Variants in ZNF599 observed in about 807,000 individuals in gnomAD.
The protein encoded by ZNF599 is zinc finger protein 599.
ZNF599 carries 10 observed loss-of-function variants against 11.7 expected under a neutral mutation model. The ratio of observed to expected loss-of-function variants is 0.86; its 90% confidence interval spans 0.53 to 1.45. The LOEUF (loss-of-function observed/expected upper bound fraction) is 1.45, where lower values mean the gene tolerates loss of function less well. Ranked by LOEUF, ZNF599 falls within the 40% of genes most tolerant of loss-of-function variation. ZNF599 has a pLI of 0.00. For synonymous variants in ZNF599, 232 were observed against 253.2 expected (o/e 0.92, Z 0.79); for missense variants, 688 against 713.6 (o/e 0.96, Z 0.41).
At chr19:34,792,174 G>A in the ZNF599 span, among the ~76,000 whole-genome samples, 1 of 152,152 alleles carries the variant, frequency 6.6e-6, no homozygotes, top group African/African-American at 2.4e-5. Context: ...CACTGTTCAT[G>A]GGCAAGCCCT....
chr19:34,784,815 G>T, the ZNF599 span, among the ~76,000 whole-genome samples: 3 of 150,900 alleles, frequency 2.0e-5, no homozygotes, highest in African/African-American at 7.3e-5. Flanking sequence ...AATCCTCATG[G>T]CCAGTGATTT....
chr19:34,760,591 C>A, intron 3 of ZNF599, 32 bp from the exon 4 acceptor site: 1 of 1,547,406 alleles, frequency 6.5e-7, no homozygotes. Flanking sequence ...AAAAACTGAA[C>A]ATTAGTGATG....
At position 34,759,409 on chromosome 19, in the gene ZNF599, A is replaced by T. The variant is rs2069093460; in HGVS notation, c.1392T>A (p.Ser464=). The T allele has an allele frequency of 1.9e-6, 3 of 1,614,028 alleles. No homozygotes were observed. The highest frequency in any genetic ancestry group is 2.5e-6 in the Non-Finnish European group (3 of 1,179,952). ...GGGTCCTATTATGTCGAATAAAAAC[A>T]GAGTGGTGTGTAAAAGCCTTTCCAC... is the stretch of plus-strand genomic sequence containing the variant. ...SECGKAFTHH[S]VFIRHNRTHS... Residue 464 remains serine, a synonymous_variant, in exon 4 of 4, where the codon TCT becomes TCA. Transcript: ENST00000329285.
the ZNF599 span, among the ~76,000 whole-genome samples, chr19:34,789,110 C>A: frequency 3.3e-5 from 5 of 152,160 alleles, no homozygotes; most frequent in Non-Finnish European, 7.4e-5. Context: ...CCCTAGTGAC[C>A]ATTCTACCCT....
At chr19:34,784,934 A>T in the ZNF599 span, among the ~76,000 whole-genome samples, 1 of 146,548 alleles carries the variant, frequency 6.8e-6, no homozygotes, top group African/African-American at 2.6e-5. Flanking sequence ...ACACAACTCC[A>T]TAGCCATCCA....
At chr19:34,799,867 T>C in the ZNF599 span, among the ~76,000 whole-genome samples, 2 of 152,200 alleles carry the variant, frequency 1.3e-5, no homozygotes, top group African/African-American at 4.8e-5. Context: ...CACAATTCAG[T>C]TGGTAACAAT....
chr19:34,788,544 A>G, the ZNF599 span: 1 of 152,228 alleles, frequency 6.6e-6, no homozygotes, highest in Admixed American at 6.5e-5. Flanking sequence ...CAAAAATAAG[A>G]AATTTAATGG....
chr19:34,786,204 C>T, the ZNF599 span, among the ~76,000 whole-genome samples: 1 of 152,274 alleles, frequency 6.6e-6, no homozygotes, highest in East Asian at 1.9e-4. Flanking sequence ...CTACATTGTC[C>T]ATTTTTAGCA....
At chr19:34,791,968 T>C in the ZNF599 span, 3 of 152,222 alleles carry the variant, frequency 2.0e-5, no homozygotes, top group Non-Finnish European at 2.9e-5. Flanking sequence ...AGAATGACGC[T>C]CTGTATTCAG....
At chr19:34,763,615 G>A (rs1249639323) in intron 3 of ZNF599, 1 of 152,172 alleles carries the variant, frequency 6.6e-6, no homozygotes, top group Non-Finnish European at 1.5e-5. Flanking sequence ...TAGACTTGCG[G>A]CCTCTAGACC....
chr19:34,803,889 A>G, the ZNF599 span, among the ~76,000 whole-genome samples: 1 of 152,250 alleles, frequency 6.6e-6, no homozygotes, highest in Non-Finnish European at 1.5e-5. Flanking sequence ...TTCCTCTCTC[A>G]TATCTCCAGA....
chr19:34,803,654 T>A, the ZNF599 span, among the ~76,000 whole-genome samples: 2 of 152,210 alleles, frequency 1.3e-5, no homozygotes, highest in Admixed American at 1.3e-4. Flanking sequence ...CATTAATCGC[T>A]GTGTCTGTGC....
chr19:34,770,312 A>T (rs1252237862), intron 1 of ZNF599, among the ~76,000 whole-genome samples: 1 of 152,252 alleles, frequency 6.6e-6, no homozygotes, highest in East Asian at 1.9e-4. Flanking sequence ...CGGGTCCAGG[A>T]TCTATGGGTG....
the ZNF599 span, among the ~76,000 whole-genome samples, chr19:34,786,426 A>G: frequency 6.6e-6 from 1 of 152,168 alleles, no homozygotes; most frequent in East Asian, 1.9e-4. Flanking sequence ...CGCTGAATCA[A>G]GTCTGCCTTA....
At chr19:34,793,110 G>A in the ZNF599 span, among the ~76,000 whole-genome samples, 1 of 152,192 alleles carries the variant, frequency 6.6e-6, no homozygotes, top group African/African-American at 2.4e-5. Context: ...GGAAGTTACT[G>A]TAAGTGGGGA....
In ZNF599 at chr19:34,759,424, A is replaced by G. The variant is rs745932487; in HGVS notation, c.1377T>C (p.Ala459=). The change falls in exon 4 of 4, where the codon GCT becomes GCC. Residue 459 remains alanine, a synonymous_variant. Transcript: ENST00000329285. ...GAATAAAAACAGAGTGGTGTGTAAAAGCCTTTCCACATTCACTGCACTCAT... is the reference window on the plus strand; with the variant it reads ...GAATAAAAACAGAGTGGTGTGTAAAGGCCTTTCCACATTCACTGCACTCAT... ...KPYECSECGK[A]FTHHSVFIRH... is the part of the protein sequence containing the mutation. 1.2e-6 allele frequency: 2 copies of G among 1,614,070 alleles called. No individual in the cohort carries two copies. Among genetic ancestry groups the G allele is most frequent in the South Asian group, 2.2e-5 (2 of 91,080 alleles).
At chr19:34,782,608 C>T in the ZNF599 span, among the ~76,000 whole-genome samples, 3 of 152,288 alleles carry the variant, frequency 2.0e-5, no homozygotes, top group East Asian at 5.8e-4. Context: ...AGGTTCAGCA[C>T]CCACAGCACA....
chr19:34,790,276 C>T, the ZNF599 span, among the ~76,000 whole-genome samples: 2 of 152,158 alleles, frequency 1.3e-5, no homozygotes, highest in African/African-American at 2.4e-5. Context: ...ATGATGTACC[C>T]GCACTGTCAT....
At chr19:34,775,405 C>T (rs1249266711), upstream of ZNF599, among the ~76,000 whole-genome samples, 1 of 152,178 alleles carries the variant, frequency 6.6e-6, no homozygotes, top group Non-Finnish European at 1.5e-5. Flanking sequence ...AATAACCACA[C>T]AGTATATAAT....
Sources: gnomAD v4.1 joint callset for allele counts (sites outside exome capture counted in the v4.1 genomes callset) on GRCh38, gnomAD v4.1.1 for gene constraint, MANE v1.5 for transcripts, NCBI Gene and HGNC (gene_info 2026-07-23, HGNC 2026-07-21) for gene names.